The following PCDH7 variants were observed in gnomAD, a reference collection of about 807,000 sequenced individuals.
The protein encoded by PCDH7 is protocadherin 7.
A neutral mutation model predicts 58.9 loss-of-function variants in PCDH7; 17 were observed. That is an observed-to-expected ratio of 0.29 (90% confidence interval 0.20 to 0.43). The LOEUF is 0.43. Among genes scored for constraint, PCDH7 ranks in the 20% least tolerant of loss-of-function variants. The probability of loss-of-function intolerance (pLI) is 1.00; values close to 1 mark genes in which losing one functional copy is unlikely to be tolerated. For missense variants in PCDH7, 1,274 were observed against 1,441.0 expected (o/e 0.88, Z 1.88); for synonymous variants, 664 against 616.4 (o/e 1.08, Z -1.14).
At chr4:31,057,783 A>T (rs552992503) in intron 3 of PCDH7, among the ~76,000 whole-genome samples, 28 of 152,254 alleles carry the variant, frequency 1.8e-4, no homozygotes, top group Non-Finnish European at 1.2e-4. Flanking sequence ...AGGCTTACTT[A>T]GCACCTACTA....
At chr4:31,127,859 A>G (rs1343882437) in intron 3 of PCDH7, among the ~76,000 whole-genome samples, 1 of 152,086 alleles carries the variant, frequency 6.6e-6, no homozygotes, top group Non-Finnish European at 1.5e-5. Context: ...AGGATAACAT[A>G]CAGTTTACAC....
At chr4:30,906,848 C>A (rs1183276317) in intron 1 of PCDH7, among the ~76,000 whole-genome samples, 2 of 151,910 alleles carry the variant, frequency 1.3e-5, no homozygotes, top group African/African-American at 4.8e-5. Flanking sequence ...CATGGTGAAA[C>A]CCTGTACCTA....
rs191958033 is a variant in PCDH7 at position 30,950,287 on chromosome 4, T to G, written c.*7+72T>G. On this transcript the variant is annotated intron_variant, in intron 3 of 3. Coordinates refer to the PCDH7 transcript ENST00000509759. ...CTCCATTAATAGTCTGTCTCTTACATTTACAAGGTGCATTCATTCACTACA... is the reference window on the plus strand; with the variant it reads ...CTCCATTAATAGTCTGTCTCTTACAGTTACAAGGTGCATTCATTCACTACA... 8.8e-4 allele frequency: 135 copies of G among 152,688 alleles called. 1 individual carries two copies. Among genetic ancestry groups the G allele is most frequent in the African/African-American group, 3.1e-3 (129 of 41,576 alleles). The allele number at this position is 152,688 out of a possible 1,614,324, so 9.5% of individuals were successfully genotyped here.
In PCDH7 at chr4:31,005,524, G is replaced by A. The variant is rs560196446; in HGVS notation, c.*7+55309G>A. Among the ~76,000 whole-genome samples, 383 of 152,280 alleles carry A rather than the reference G, an allele frequency of 2.5e-3. 1 individual carries two copies. Among genetic ancestry groups the A allele is most frequent in the Admixed American group, 6.7e-3 (103 of 15,294 alleles). On this transcript the variant is annotated intron_variant, in intron 3 of 3. Coordinates refer to the PCDH7 transcript ENST00000509759. ...TGTGTGAAAAAAAAGATAAAATTGG[G>A]AAGTAATGATTTGCCAATGTGTTCC...
intron 3 of PCDH7, among the ~76,000 whole-genome samples, chr4:31,035,247 C>CTTTTTTTTTTTTTTTTTTTTTTTT (rs35099580): frequency 1.0e-5 from 1 of 99,380 alleles, no homozygotes; most frequent in African/African-American, 4.2e-5. Context: ...CCTTTTTTCC[C>CTTTTTTTTTTTTTTTTTTTTTTTT]TTTTTTTTTT....
At chr4:31,068,468 T>C (rs1483945885) in intron 3 of PCDH7, among the ~76,000 whole-genome samples, 1 of 151,990 alleles carries the variant, frequency 6.6e-6, no homozygotes, top group East Asian at 1.9e-4. Flanking sequence ...TAGACTCCAA[T>C]ATATACACCC....
intron 2 of PCDH7, 100 bp downstream of exon 2, chr4:30,920,469 T>C (rs1687827602): frequency 1.6e-6 from 1 of 624,634 alleles, no homozygotes; most frequent in Non-Finnish European, 2.4e-6. Context: ...ATAGCTGACA[T>C]TAAAACCATT....
At chr4:30,828,332 A>G (rs1382942772) in intron 1 of PCDH7, among the ~76,000 whole-genome samples, 1 of 152,104 alleles carries the variant, frequency 6.6e-6, no homozygotes, top group Admixed American at 6.6e-5. Flanking sequence ...TGCTTGCTGA[A>G]GTAACTACCA....
At chr4:31,093,296 A>G (rs1713504829) in intron 3 of PCDH7, among the ~76,000 whole-genome samples, 1 of 152,180 alleles carries the variant, frequency 6.6e-6, no homozygotes, top group Non-Finnish European at 1.5e-5. Flanking sequence ...AGGGGTATCA[A>G]TAACAGCACT....
chr4:30,803,182 G>A (rs1725748278), intron 1 of PCDH7, among the ~76,000 whole-genome samples: 1 of 152,102 alleles, frequency 6.6e-6, no homozygotes. Flanking sequence ...GATAGGTGAT[G>A]AGAGAGGAAA....
chr4:31,142,998 T>A (rs2109350198), downstream of PCDH7: 1 of 439,386 alleles, frequency 2.3e-6, no homozygotes, highest in East Asian at 6.6e-5. Context: ...GATCAGGCCT[T>A]TAGTGATACT....
intron 1 of PCDH7, among the ~76,000 whole-genome samples, chr4:30,898,546 C>A (rs1470075030): frequency 1.3e-5 from 2 of 152,184 alleles, no homozygotes; most frequent in Non-Finnish European, 2.9e-5. Context: ...TTCCTGATTC[C>A]TCCCCTAGAA....
At chr4:31,041,815 G>A (rs1407923577) in intron 3 of PCDH7, among the ~76,000 whole-genome samples, 1 of 151,978 alleles carries the variant, frequency 6.6e-6, no homozygotes, top group Admixed American at 6.6e-5. Flanking sequence ...AAAAAATAAT[G>A]CTGCTTTATA....
At chr4:31,081,458 A>T (rs954133133) in intron 3 of PCDH7, among the ~76,000 whole-genome samples, 6 of 152,226 alleles carry the variant, frequency 3.9e-5, no homozygotes, top group Admixed American at 3.9e-4. Context: ...TGATAGATTT[A>T]GAAACATTAC....
chr4:31,060,684 T>C (rs1322588746), intron 3 of PCDH7, among the ~76,000 whole-genome samples: 1 of 151,798 alleles, frequency 6.6e-6, no homozygotes, highest in Non-Finnish European at 1.5e-5. Flanking sequence ...TGAAGGTTAG[T>C]GTGTAATTTC....
intron 3 of PCDH7, among the ~76,000 whole-genome samples, chr4:30,979,290 C>T (rs1476626171): frequency 6.9e-6 from 1 of 145,846 alleles, no homozygotes; most frequent in Non-Finnish European, 1.5e-5. Context: ...GGTGCCACTG[C>T]ACTCCAGCCT....
chr4:31,146,208 G>A (rs573636527), downstream of PCDH7: 9 of 151,926 alleles, frequency 5.9e-5, no homozygotes, highest in African/African-American at 2.2e-4. Context: ...CTGTCTTGTA[G>A]GAAAATAGAA....
At chr4:30,929,108 G>A (rs570740298) in intron 2 of PCDH7, among the ~76,000 whole-genome samples, 27 of 152,038 alleles carry the variant, frequency 1.8e-4, no homozygotes, top group African/African-American at 4.6e-4. Context: ...ATAATAACCC[G>A]TAAATAATCT....
chr4:30,819,418 C>T (rs1406819544), intron 1 of PCDH7, among the ~76,000 whole-genome samples: 1 of 152,006 alleles, frequency 6.6e-6, no homozygotes, highest in Non-Finnish European at 1.5e-5. Flanking sequence ...TTTTCATTCT[C>T]TTGGGATCTG....
Sources: allele counts gnomAD v4.1 joint callset (sites outside exome capture counted in the v4.1 genomes callset), GRCh38; gene constraint gnomAD v4.1.1; transcripts MANE v1.5; gene names NCBI Gene and HGNC (gene_info 2026-07-23, HGNC 2026-07-21).